RSPO2: variants seen among roughly 807,000 people sequenced by gnomAD.
RSPO2 encodes R-spondin 2.
A neutral mutation model predicts 30.9 loss-of-function variants in RSPO2; 14 were observed. The observed-to-expected ratio is 0.45, with a 90% CI of 0.30 to 0.71. The LOEUF is 0.71. Among genes scored for constraint, RSPO2 ranks in the 30% least tolerant of loss-of-function variants. RSPO2 has a pLI of 0.08. For synonymous variants in RSPO2, 107 were observed against 96.4 expected (o/e 1.11, Z -0.64); for missense variants, 264 against 301.9 (o/e 0.87, Z 0.93).
chr8:108,058,844 A>G (rs1000814513), intron 2 of RSPO2, among the ~76,000 whole-genome samples: 2 of 151,766 alleles, frequency 1.3e-5, no homozygotes, highest in Non-Finnish European at 2.9e-5. Flanking sequence ...TATAAAAATT[A>G]ATTCAAGATG....
chr8:107,926,025 T>C (rs1812358376), intron 5 of RSPO2, among the ~76,000 whole-genome samples: 1 of 152,162 alleles, frequency 6.6e-6, no homozygotes, highest in African/African-American at 2.4e-5. Context: ...CCACCAACAA[T>C]GTAAAAGTGT....
chr8:108,056,623 C>CAAAAAAAAAAAAAAAA (rs56256415), intron 2 of RSPO2, among the ~76,000 whole-genome samples: 21 of 71,726 alleles, frequency 2.9e-4, no homozygotes, highest in African/African-American at 5.0e-4. Flanking sequence ...AGACCCGTCT[C>CAAAAAAAAAAAAAAAA]AAAAAAAAAA....
At chr8:108,070,741 A>G (rs1475371808) in intron 2 of RSPO2, among the ~76,000 whole-genome samples, 1 of 152,140 alleles carries the variant, frequency 6.6e-6, no homozygotes, top group Non-Finnish European at 1.5e-5. Context: ...TTCACTCTTG[A>G]GAGTGTTGTC....
chr8:108,029,054 C>CCTTTTTTT (rs1811323784), intron 2 of RSPO2, among the ~76,000 whole-genome samples: 1 of 26,200 alleles, frequency 3.8e-5, no homozygotes, highest in African/African-American at 7.5e-5. Flanking sequence ...TAACATGAGT[C>CCTTTTTTT]TTTTTTTTTT....
chr8:108,038,126 T>C (rs1269596639), intron 2 of RSPO2, among the ~76,000 whole-genome samples: 2 of 152,196 alleles, frequency 1.3e-5, no homozygotes, highest in African/African-American at 2.4e-5. Flanking sequence ...CTAGACGCCA[T>C]TAAAAACATT....
intron 3 of RSPO2, among the ~76,000 whole-genome samples, chr8:107,974,819 T>C (rs1814153555): frequency 6.8e-6 from 1 of 146,722 alleles, no homozygotes; most frequent in Non-Finnish European, 1.5e-5. Flanking sequence ...ACAAAGGTCA[T>C]GCAGGATTGT....
chr8:107,997,547 G>T (rs1201574526), intron 2 of RSPO2, among the ~76,000 whole-genome samples: 1 of 152,098 alleles, frequency 6.6e-6, no homozygotes, highest in Non-Finnish European at 1.5e-5. Context: ...CCTGAAAATA[G>T]TCATAAACAG....
intron 2 of RSPO2, among the ~76,000 whole-genome samples, chr8:108,051,750 A>G (rs971825176): frequency 1.3e-5 from 2 of 152,352 alleles, no homozygotes; most frequent in Middle Eastern, 3.4e-3. Flanking sequence ...TTCCAAGACT[A>G]TAGTCATGAT....
chr8:108,008,555 A>G (rs13264757), intron 2 of RSPO2, among the ~76,000 whole-genome samples: 4,819 of 152,314 alleles, frequency 0.032, 110 homozygotes, highest in South Asian at 0.074. Context: ...CAATCTCCTC[A>G]CTGTGAATTA....
At chr8:107,984,949 C>T (rs1814575262) in intron 3 of RSPO2, among the ~76,000 whole-genome samples, 1 of 152,020 alleles carries the variant, frequency 6.6e-6, no homozygotes, top group Admixed American at 6.6e-5. Context: ...ATTAAACACT[C>T]CATTTATTAT....
intron 2 of RSPO2, among the ~76,000 whole-genome samples, chr8:108,049,394 A>T (rs112725291): frequency 0.053 from 7,973 of 150,344 alleles, 652 homozygotes; most frequent in African/African-American, 0.17. Context: ...CATCTTTTTT[A>T]AAAAAAAATT....
intron 5 of RSPO2, among the ~76,000 whole-genome samples, chr8:107,908,222 A>G (rs1331287329): frequency 6.6e-6 from 1 of 152,160 alleles, no homozygotes; most frequent in African/African-American, 2.4e-5. Flanking sequence ...AGAATATTCC[A>G]TAACCTTTTT....
At chr8:107,965,610 A>G (rs1813775948) in intron 3 of RSPO2, among the ~76,000 whole-genome samples, 2 of 152,050 alleles carry the variant, frequency 1.3e-5, no homozygotes, top group Admixed American at 6.5e-5. Context: ...AGAGACAGAA[A>G]AGGGACCAAT....
chr8:107,945,541 C>T (rs1360870242), intron 5 of RSPO2, among the ~76,000 whole-genome samples: 2 of 152,150 alleles, frequency 1.3e-5, no homozygotes, highest in African/African-American at 4.8e-5. Context: ...AGCCACCGTG[C>T]TCGGCTTCTT....
At chr8:108,072,385 G>A (rs1463966100) in intron 2 of RSPO2, among the ~76,000 whole-genome samples, 6 of 144,708 alleles carry the variant, frequency 4.1e-5, no homozygotes, top group Non-Finnish European at 9.0e-5. Context: ...GAGTGCAGTG[G>A]TGCGATCTCG....
At chr8:108,019,898 G>A (rs1288594252) in intron 2 of RSPO2, among the ~76,000 whole-genome samples, 1 of 152,084 alleles carries the variant, frequency 6.6e-6, no homozygotes, top group African/African-American at 2.4e-5. Flanking sequence ...GTAACTTGGT[G>A]TCAGACATTA....
At chr8:107,972,151 C>A (rs916849559) in intron 3 of RSPO2, among the ~76,000 whole-genome samples, 6 of 146,228 alleles carry the variant, frequency 4.1e-5, no homozygotes, top group Non-Finnish European at 7.6e-5. Context: ...TAAACACAGT[C>A]TTTTTTTTTT....
At chr8:108,013,322 C>G (rs1386670689) in intron 2 of RSPO2, among the ~76,000 whole-genome samples, 2 of 152,154 alleles carry the variant, frequency 1.3e-5, no homozygotes, top group Non-Finnish European at 2.9e-5. Context: ...AATTCATCAG[C>G]CTGTTTCTGT....
intron 2 of RSPO2, among the ~76,000 whole-genome samples, chr8:107,992,979 G>C (rs185207795): frequency 2.0e-5 from 3 of 152,138 alleles, no homozygotes; most frequent in Non-Finnish European, 4.4e-5. Context: ...ACAGAACCCA[G>C]AGGAAGTAGA....
Sources: allele counts gnomAD v4.1 joint callset (sites outside exome capture counted in the v4.1 genomes callset), GRCh38; gene constraint gnomAD v4.1.1; transcripts MANE v1.5; gene names NCBI Gene and HGNC (gene_info 2026-07-23, HGNC 2026-07-21).